Variants in CNTNAP2 observed in about 807,000 individuals in gnomAD.
CNTNAP2 encodes contactin-associated protein-like 2.
CNTNAP2 carries 98 observed loss-of-function variants against 155.2 expected under a neutral mutation model. The observed-to-expected ratio is 0.63, with a 90% CI of 0.54 to 0.75. The LOEUF (loss-of-function observed/expected upper bound fraction) is 0.75. Among genes scored for constraint, CNTNAP2 ranks in the 30% least tolerant of loss-of-function variants. The pLI, the probability that CNTNAP2 is intolerant of heterozygous loss-of-function variation, is 0.00. For missense variants in CNTNAP2, 1,727 were observed against 1,688.1 expected, an observed-to-expected ratio of 1.02 and a Z score of -0.40; for synonymous variants, 651 against 631.2, an observed-to-expected ratio of 1.03 and a Z score of -0.47.
At chr7:146,389,318 T>G (rs947287258) in intron 1 of CNTNAP2, among the ~76,000 whole-genome samples, 124 of 152,246 alleles carry the variant, frequency 8.1e-4, no homozygotes, top group African/African-American at 2.9e-3. Flanking sequence ...GTTTTAGTTT[T>G]GCTTCAAAAC....
chr7:148,109,653 G>A (rs1284038588), intron 15 of CNTNAP2, among the ~76,000 whole-genome samples: 3 of 118,252 alleles, frequency 2.5e-5, no homozygotes, highest in African/African-American at 1.3e-4. Flanking sequence ...CAAAGTGCTG[G>A]GATTACAGGC....
At chr7:148,188,382 G>A (rs62473473) in intron 18 of CNTNAP2, among the ~76,000 whole-genome samples, 2,588 of 152,322 alleles carry the variant, frequency 0.017, 31 homozygotes, top group Non-Finnish European at 0.025. Flanking sequence ...TGAGTTTGAA[G>A]GGAGGAGCCA....
At chr7:148,026,006 C>T (rs1802368624) in intron 15 of CNTNAP2, among the ~76,000 whole-genome samples, 1 of 152,148 alleles carries the variant, frequency 6.6e-6, no homozygotes, top group Non-Finnish European at 1.5e-5. Context: ...TTGCTTCAGT[C>T]CAGGATAGCA....
chr7:146,268,988 G>A (rs1800037357), intron 1 of CNTNAP2, among the ~76,000 whole-genome samples: 1 of 152,102 alleles, frequency 6.6e-6, no homozygotes, highest in Non-Finnish European at 1.5e-5. Context: ...AATGATCAAA[G>A]CCTTTGGCCT....
intron 8 of CNTNAP2, among the ~76,000 whole-genome samples, chr7:147,257,901 A>G (rs1036189923): frequency 3.9e-5 from 6 of 152,236 alleles, no homozygotes; most frequent in East Asian, 1.9e-4. Context: ...AACAGATTGC[A>G]TCGTTTCAGT....
intron 4 of CNTNAP2, among the ~76,000 whole-genome samples, chr7:147,099,463 C>T (rs977671122): frequency 1.3e-5 from 2 of 152,038 alleles, no homozygotes; most frequent in African/African-American, 4.8e-5. Context: ...AGGTGGCTGC[C>T]ATTACCCCTG....
chr7:147,929,972 C>T (rs996164071), intron 14 of CNTNAP2, among the ~76,000 whole-genome samples: 2 of 152,102 alleles, frequency 1.3e-5, no homozygotes, highest in Admixed American at 1.3e-4. Flanking sequence ...AATCTAATGC[C>T]GTCACTGATC....
At chr7:146,774,446 C>T (rs1802352569) in intron 2 of CNTNAP2, 65 bp downstream of exon 2, 15 of 1,028,228 alleles carry the variant, frequency 1.5e-5, no homozygotes, top group Non-Finnish European at 2.1e-5. Context: ...TATTTATAGC[C>T]ATATATATAT....
intron 2 of CNTNAP2, among the ~76,000 whole-genome samples, chr7:146,798,381 G>A (rs986817926): frequency 8.6e-5 from 13 of 151,960 alleles, no homozygotes; most frequent in African/African-American, 3.1e-4. Flanking sequence ...TGGCTCTGTT[G>A]CCCAAGCTGG....
At chr7:147,690,138 T>A (rs958900740) in intron 13 of CNTNAP2, among the ~76,000 whole-genome samples, 2 of 152,128 alleles carry the variant, frequency 1.3e-5, no homozygotes, top group African/African-American at 4.8e-5. Context: ...TCCAGATCCT[T>A]AGCATGGCCC....
intron 13 of CNTNAP2, among the ~76,000 whole-genome samples, chr7:147,882,294 C>A (rs763015717): frequency 1.3e-5 from 2 of 152,170 alleles, no homozygotes; most frequent in Non-Finnish European, 2.9e-5. Context: ...GATCTCCTGG[C>A]TCCAATTTCA....
intron 9 of CNTNAP2, among the ~76,000 whole-genome samples, chr7:147,352,429 T>G (rs1488901476): frequency 6.6e-6 from 1 of 151,962 alleles, no homozygotes; most frequent in Non-Finnish European, 1.5e-5. Context: ...CCTCTAAACC[T>G]AATCATACTT....
intron 1 of CNTNAP2, among the ~76,000 whole-genome samples, chr7:146,411,841 TATTTA>T (rs1362462003): frequency 8.9e-5 from 11 of 123,352 alleles, no homozygotes; most frequent in Admixed American, 2.7e-4. Context: ...TTTATTTATT[TATTTA>T]TTTTATTTGA....
intron 1 of CNTNAP2, among the ~76,000 whole-genome samples, chr7:146,231,479 C>T (rs1470064399): frequency 6.6e-6 from 1 of 152,152 alleles, no homozygotes; most frequent in East Asian, 1.9e-4. Context: ...CACTTACTCC[C>T]ATGTCTGCTG....
chr7:147,239,379 G>A (rs1406639241), intron 8 of CNTNAP2, among the ~76,000 whole-genome samples: 2 of 151,648 alleles, frequency 1.3e-5, no homozygotes. Flanking sequence ...GTGTGTTGCC[G>A]GTCACCTGCA....
intron 1 of CNTNAP2, among the ~76,000 whole-genome samples, chr7:146,205,375 A>T (rs1194784632): frequency 6.6e-6 from 1 of 152,090 alleles, no homozygotes; most frequent in Non-Finnish European, 1.5e-5. Flanking sequence ...TGAGTCAAAG[A>T]CTATTCTAGA....
chr7:148,152,340 G>C (rs535712183), intron 17 of CNTNAP2, among the ~76,000 whole-genome samples: 2 of 151,946 alleles, frequency 1.3e-5, no homozygotes, highest in Non-Finnish European at 2.9e-5. Context: ...GAATCATAGG[G>C]GTGTGGAAAA....
At chr7:148,104,229 T>G (rs1804161346) in intron 15 of CNTNAP2, among the ~76,000 whole-genome samples, 1 of 152,174 alleles carries the variant, frequency 6.6e-6, no homozygotes. Flanking sequence ...ATAGGACATG[T>G]GAATCTTTTT....
At chr7:146,494,072 G>A (rs530353321) in intron 1 of CNTNAP2, among the ~76,000 whole-genome samples, 15 of 152,082 alleles carry the variant, frequency 9.9e-5, no homozygotes, top group Non-Finnish European at 1.8e-4. Context: ...AGTGGCTCAC[G>A]CCTGTAATGC....
Sources: allele counts gnomAD v4.1 joint callset (sites outside exome capture counted in the v4.1 genomes callset), GRCh38; gene constraint gnomAD v4.1.1; transcripts MANE v1.5; gene names NCBI Gene and HGNC (gene_info 2026-07-23, HGNC 2026-07-21).